TRIM2: variants seen among roughly 807,000 people sequenced by gnomAD.
TRIM2 encodes the protein tripartite motif containing 2.
Under a neutral mutation model 75.2 loss-of-function variants are expected in TRIM2, and 20 were observed. That is an observed-to-expected ratio of 0.27 (90% CI 0.19 to 0.39). TRIM2 has a LOEUF of 0.39. Among genes scored for constraint, TRIM2 ranks in the 10% least tolerant of loss-of-function variants. The pLI is 1.00. For synonymous variants in TRIM2, 373 were observed against 388.3 expected (o/e 0.96, Z 0.46); for missense variants, 660 against 990.8 (o/e 0.67, Z 4.48).
chr4:153,158,185 T>C (rs1303277974), intron 1 of TRIM2, among the ~76,000 whole-genome samples: 1 of 152,224 alleles, frequency 6.6e-6, no homozygotes, highest in Non-Finnish European at 1.5e-5. Flanking sequence ...CCCCAGTCTA[T>C]TGCTTTGAAC....
chr4:153,265,555 G>A (rs1754776981), intron 1 of TRIM2: 1 of 152,100 alleles, frequency 6.6e-6, no homozygotes, highest in Non-Finnish European at 1.5e-5. Context: ...GTGTTAGCCA[G>A]GATGGTCTTG....
rs199678533 is a variant in TRIM2, at chr4:153,294,461, G to A, written c.762G>A (p.Glu254=). The stretch of plus-strand genomic sequence containing the variant: ...AGAGTGTGCTGCTTATGGAATTGGA[G>A]GTCAACTATGGCCTCAAACACAAAG... ...VRKSVLLMEL[E]VNYGLKHKVL... Residue 254 remains glutamate, a synonymous_variant, in exon 5 of 12, where the codon GAG becomes GAA. Transcript: ENST00000338700. 4.6e-5 allele frequency: 74 copies of A among 1,613,802 alleles called. No individual in the cohort carries two copies. The highest frequency in any genetic ancestry group is 1.6e-4 in the Middle Eastern group (1 of 6,062).
chr4:153,218,879 G>GA (rs1352914903), intron 1 of TRIM2, among the ~76,000 whole-genome samples: 6 of 151,384 alleles, frequency 4.0e-5, no homozygotes, highest in East Asian at 1.9e-4. Context: ...ACTCAAAGAA[G>GA]AAAAAAAAGG....
chr4:153,191,797 T>C (rs1733215798), intron 1 of TRIM2, among the ~76,000 whole-genome samples: 1 of 152,238 alleles, frequency 6.6e-6, no homozygotes, highest in South Asian at 2.1e-4. Flanking sequence ...CAGTCTGCAA[T>C]GTTTAACAAG....
intron 1 of TRIM2, among the ~76,000 whole-genome samples, chr4:153,160,855 T>A (rs1024058180): frequency 4.6e-5 from 7 of 152,052 alleles, no homozygotes; most frequent in Admixed American, 3.9e-4. Flanking sequence ...CTGAGCCTCC[T>A]GCTTTAGCCT....
chr4:153,241,710 A>G (rs1746667204), intron 1 of TRIM2, among the ~76,000 whole-genome samples: 1 of 152,172 alleles, frequency 6.6e-6, no homozygotes. Flanking sequence ...TCATTTAGCC[A>G]TGAACTAAAA....
chr4:153,217,715 G>A (rs1006499005), intron 1 of TRIM2, among the ~76,000 whole-genome samples: 9 of 152,190 alleles, frequency 5.9e-5, no homozygotes, highest in African/African-American at 1.9e-4. Context: ...CTATGTTGGA[G>A]AGCAGGGAGA....
chr4:153,158,636 A>C (rs891186056), intron 1 of TRIM2, among the ~76,000 whole-genome samples: 1 of 152,228 alleles, frequency 6.6e-6, no homozygotes, highest in Non-Finnish European at 1.5e-5. Context: ...TAAAAAATAA[A>C]ACAAAGACAG....
chr4:153,249,396 T>A (rs1334397564), intron 1 of TRIM2, among the ~76,000 whole-genome samples: 1 of 152,224 alleles, frequency 6.6e-6, no homozygotes, highest in Admixed American at 6.5e-5. Flanking sequence ...CGGGGCTGTC[T>A]GAGATTTCCC....
chr4:153,334,712 A>G, intron 11 of TRIM2, 102 bp from the exon 12 acceptor site: 2 of 1,157,100 alleles, frequency 1.7e-6, no homozygotes, highest in Non-Finnish European at 2.4e-6. Context: ...TCAAAAAGAA[A>G]GAAAGAAACA....
In TRIM2 at chr4:153,236,777, G is replaced by A. The variant is rs528303148; in HGVS notation, c.30+32217G>A. On this transcript the variant is annotated intron_variant, in intron 1 of 11. Coordinates refer to ENST00000338700, the MANE Select transcript of TRIM2 (RefSeq NM_015271.5). ...TACAATCACAGCTCACTGCAGCCTC[G>A]ACCTCCTGGGTTCAAGAGATCCTCC... is the stretch of plus-strand genomic sequence containing the variant. Among the ~76,000 whole-genome samples the A allele has an allele frequency of 1.1e-3, 160 of 151,580 alleles. 1 individual carries two copies. Among genetic ancestry groups the A allele is most frequent in the Admixed American group, 2.5e-3 (38 of 15,200 alleles).
rs550104639 is a variant in TRIM2 at position 153,218,407 on chromosome 4, T to C, written c.30+13847T>C. Among the ~76,000 whole-genome samples the C allele has an allele frequency of 9.0e-4, 137 of 152,292 alleles. 1 individual carries two copies. In the Middle Eastern group the frequency reaches 0.01, roughly 11 times the overall value. On this transcript the variant is annotated intron_variant, in intron 1 of 11. Coordinates refer to ENST00000338700, the MANE Select transcript of TRIM2 (RefSeq NM_015271.5). ...ATTCTTTTTGTAGAGACAGGGTCTC[T>C]CTACGTTGCCCAGGGTGGCCTCCCA...
intron 10 of TRIM2, among the ~76,000 whole-genome samples, chr4:153,324,686 G>A (rs538330275): frequency 4.6e-5 from 7 of 152,218 alleles, no homozygotes; most frequent in Admixed American, 3.3e-4. Context: ...CCAGGGGAGA[G>A]AGAATTGAAC....
At chr4:153,214,225 A>T (rs1386079665) in intron 1 of TRIM2, among the ~76,000 whole-genome samples, 2 of 152,216 alleles carry the variant, frequency 1.3e-5, no homozygotes, top group African/African-American at 4.8e-5. Flanking sequence ...TTCCATGAGC[A>T]CTGTGTAATT....
rs1772787127 is a variant in TRIM2, at chr4:153,338,967, CTTTGT to C, written c.*4005_*4009del. 1.1e-6 allele frequency: 1 copy of C among 907,084 alleles called. No individual in the cohort carries two copies. The highest frequency in any genetic ancestry group is 1.3e-6 in the Non-Finnish European group (1 of 770,174). 56.2% of individuals were successfully genotyped at this position (907,084 alleles called of 1,614,324 possible). On this transcript the variant is annotated 3_prime_UTR_variant, in exon 12 of 12. Coordinates refer to ENST00000338700, the MANE Select transcript of TRIM2 (RefSeq NM_015271.5). ...AATATGAAGGGGTTTTTTTTTTTTG[CTTTGT>C]TTTCTTTTTAGATTTTGTACATTCC...
rs763365056 is a variant in TRIM2, at chr4:153,276,023, G to A, written c.346G>A (p.Val116Met). 92 of 1,614,072 alleles carry A rather than the reference G, an allele frequency of 5.7e-5. 1 individual carries two copies. Among genetic ancestry groups the A allele is most frequent in the Non-Finnish European group, 7.0e-5 (83 of 1,180,036 alleles). ...TTTCTTCATCACAAACCTGATGGAC[G>A]TGCTGCAGCGAACTCCAGGCAGCAA... ...NNFFITNLMD[V>M]LQRTPGSNAE... is the part of the protein sequence containing the mutation. The change falls in exon 3 of 12, where the codon GTG becomes ATG. Residue 116 changes from valine to methionine, a missense_variant. Val to Met is a conservative substitution (Grantham distance 21). Transcript: ENST00000338700.
intron 1 of TRIM2, among the ~76,000 whole-genome samples, chr4:153,263,812 G>A (rs1270645199): frequency 2.0e-5 from 3 of 152,158 alleles, no homozygotes; most frequent in Admixed American, 6.5e-5. Flanking sequence ...GGCTTTATAG[G>A]CAGATGGCCC....
At chr4:153,203,050 A>C (rs375272797), upstream of TRIM2, among the ~76,000 whole-genome samples, 10 of 146,822 alleles carry the variant, frequency 6.8e-5, no homozygotes, top group East Asian at 1.8e-3. Flanking sequence ...GGTTGCAGTG[A>C]GCCAAGATTG....
chr4:153,301,839 G>A (rs1763988993), intron 6 of TRIM2, among the ~76,000 whole-genome samples: 1 of 152,134 alleles, frequency 6.6e-6, no homozygotes, highest in Non-Finnish European at 1.5e-5. Context: ...TGTACCAGTG[G>A]TCTATGTTTT....
Sources: allele counts gnomAD v4.1 joint callset (sites outside exome capture counted in the v4.1 genomes callset), GRCh38; gene constraint gnomAD v4.1.1; transcripts MANE v1.5; gene names NCBI Gene and HGNC (gene_info 2026-07-23, HGNC 2026-07-21).